CDH12: variants seen among roughly 807,000 people sequenced by gnomAD.
CDH12 encodes the protein cadherin 12, also known as cadherin-12.
A neutral mutation model predicts 74.1 loss-of-function variants in CDH12; 41 were observed. The ratio of observed to expected loss-of-function variants is 0.55; its 90% CI spans 0.43 to 0.72. The LOEUF (loss-of-function observed/expected upper bound fraction) is 0.72. Among genes scored for constraint, CDH12 ranks in the 30% least tolerant of loss-of-function variants. CDH12 has a pLI of 0.00. For synonymous variants in CDH12, 399 were observed against 355.0 expected (o/e 1.12, Z -1.39); for missense variants, 945 against 977.2 (o/e 0.97, Z 0.44).
chr5:21,906,582 T>C (rs1413997012), intron 6 of CDH12, among the ~76,000 whole-genome samples: 1 of 151,868 alleles, frequency 6.6e-6, no homozygotes, highest in Non-Finnish European at 1.5e-5. Context: ...CAAATGATCT[T>C]TGCTTTCTTT....
At chr5:22,461,289 G>C (rs1016236990) in intron 2 of CDH12, among the ~76,000 whole-genome samples, 7 of 151,906 alleles carry the variant, frequency 4.6e-5, no homozygotes, top group African/African-American at 1.4e-4. Context: ...TGACCTCCCA[G>C]CTGGGATTGC....
chr5:21,851,974 T>A (rs1040313595), intron 7 of CDH12, among the ~76,000 whole-genome samples: 5 of 151,424 alleles, frequency 3.3e-5, no homozygotes, highest in African/African-American at 1.2e-4. Context: ...CACTCAAATG[T>A]GGAAAATTTC....
intron 1 of CDH12, among the ~76,000 whole-genome samples, chr5:22,834,723 TAAC>T (rs1383177323): frequency 1.3e-5 from 2 of 152,140 alleles, no homozygotes; most frequent in Non-Finnish European, 2.9e-5. Flanking sequence ...CTATCTATCA[TAAC>T]AAATTTTACT....
intron 3 of CDH12, among the ~76,000 whole-genome samples, chr5:22,372,129 A>G (rs1453351286): frequency 6.6e-6 from 1 of 152,176 alleles, no homozygotes; most frequent in Non-Finnish European, 1.5e-5. Flanking sequence ...GATGAAGAAA[A>G]TGCTAACCAG....
intron 2 of CDH12, among the ~76,000 whole-genome samples, chr5:22,445,589 A>T (rs1366082713): frequency 6.6e-6 from 1 of 152,168 alleles, no homozygotes; most frequent in African/African-American, 2.4e-5. Flanking sequence ...AAAACAAAAC[A>T]ATTTAAGAAA....
chr5:22,019,373 A>G (rs1280634568), intron 5 of CDH12, among the ~76,000 whole-genome samples: 1 of 152,218 alleles, frequency 6.6e-6, no homozygotes, highest in African/African-American at 2.4e-5. Flanking sequence ...AGATCATATT[A>G]TTATCACAAA....
chr5:22,259,256 T>G (rs1580455307), intron 3 of CDH12, among the ~76,000 whole-genome samples: 1 of 152,260 alleles, frequency 6.6e-6, no homozygotes, highest in Admixed American at 6.6e-5. Flanking sequence ...AACATAATTT[T>G]TAAGTTAAAT....
intron 3 of CDH12, among the ~76,000 whole-genome samples, chr5:22,360,848 G>C (rs1217830350): frequency 1.3e-5 from 2 of 152,128 alleles, no homozygotes; most frequent in Non-Finnish European, 2.9e-5. Context: ...TATCTCAATA[G>C]ATGCAGAAAA....
At chr5:22,076,940 G>A (rs1372756469) in intron 5 of CDH12, among the ~76,000 whole-genome samples, 4 of 152,026 alleles carry the variant, frequency 2.6e-5, no homozygotes, top group Non-Finnish European at 5.9e-5. Context: ...GTGCCCTGTG[G>A]ATCTTTAGGG....
At chr5:21,807,948 A>G (rs1747525968) in intron 9 of CDH12, among the ~76,000 whole-genome samples, 1 of 152,122 alleles carries the variant, frequency 6.6e-6, no homozygotes, top group Non-Finnish European at 1.5e-5. Flanking sequence ...CCCTTAAAAG[A>G]AAGGAGTGAT....
chr5:21,757,428 G>A (rs571400274), intron 13 of CDH12, among the ~76,000 whole-genome samples: 1 of 152,154 alleles, frequency 6.6e-6, no homozygotes, highest in Admixed American at 6.5e-5. Context: ...TGTCCACCTT[G>A]GCCTCCCAAA....
intron 2 of CDH12, among the ~76,000 whole-genome samples, chr5:22,419,839 C>T (rs1328392252): frequency 1.3e-5 from 2 of 152,138 alleles, no homozygotes; most frequent in African/African-American, 2.4e-5. Flanking sequence ...TAGTAATCAC[C>T]ATTCTGTCTG....
At chr5:22,649,706 C>G (rs1022374946) in intron 1 of CDH12, among the ~76,000 whole-genome samples, 4 of 151,982 alleles carry the variant, frequency 2.6e-5, no homozygotes, top group Non-Finnish European at 5.9e-5. Context: ...CTGGCATACA[C>G]TTTGCATTGC....
intron 3 of CDH12, among the ~76,000 whole-genome samples, chr5:22,386,052 T>C (rs1021955946): frequency 2.8e-4 from 43 of 151,980 alleles, no homozygotes; most frequent in Admixed American, 2.0e-3. Context: ...GGCACCATGC[T>C]TGGCTAATTT....
At chr5:21,871,979 G>A (rs895398871) in intron 6 of CDH12, among the ~76,000 whole-genome samples, 1 of 152,096 alleles carries the variant, frequency 6.6e-6, no homozygotes, top group African/African-American at 2.4e-5. Context: ...CACTTTATTA[G>A]AGACCCAAGG....
chr5:22,022,880 T>C (rs1738078414), intron 5 of CDH12, among the ~76,000 whole-genome samples: 1 of 152,192 alleles, frequency 6.6e-6, no homozygotes. Context: ...TTTTTAGCTC[T>C]ATTCCCATCA....
chr5:22,799,758 T>A (rs896388627), intron 1 of CDH12, among the ~76,000 whole-genome samples: 2 of 152,174 alleles, frequency 1.3e-5, no homozygotes, highest in African/African-American at 4.8e-5. Context: ...CGTTAAGAAA[T>A]ATACACGTAT....
intron 3 of CDH12, among the ~76,000 whole-genome samples, chr5:22,239,802 A>G (rs187741905): frequency 5.9e-5 from 9 of 152,320 alleles, no homozygotes; most frequent in Admixed American, 4.6e-4. Context: ...GCTAGTTGGT[A>G]TAAGATAAAC....
At chr5:22,192,903 C>T (rs1404972349) in intron 4 of CDH12, among the ~76,000 whole-genome samples, 1 of 152,188 alleles carries the variant, frequency 6.6e-6, no homozygotes, top group Non-Finnish European at 1.5e-5. Flanking sequence ...ATTTGCTATA[C>T]TTGCCTGCAT....
Sources: allele counts gnomAD v4.1 joint callset (sites outside exome capture counted in the v4.1 genomes callset), GRCh38; gene constraint gnomAD v4.1.1; transcripts MANE v1.5; gene names NCBI Gene and HGNC (gene_info 2026-07-23, HGNC 2026-07-21).